GRM7: variants seen among roughly 807,000 people sequenced by gnomAD.
The protein encoded by GRM7 is glutamate metabotropic receptor 7, also known as metabotropic glutamate receptor 7.
In GRM7, 35 loss-of-function variants were observed where a neutral mutation model predicts 84.5. That is an observed-to-expected ratio of 0.41 (90% CI 0.32 to 0.55). The LOEUF is 0.55. GRM7 is among the 20% of genes least tolerant of loss of function. GRM7 has a pLI of 0.19. For synonymous variants in GRM7, 487 were observed against 455.1 expected, an observed-to-expected ratio of 1.07 and a Z score of -0.89; for missense variants, 1,003 against 1,194.6, an observed-to-expected ratio of 0.84 and a Z score of 2.36.
At position 7,452,789 on chromosome 3, in the gene GRM7, C is replaced by A; in HGVS notation, c.1357C>A (p.Arg453Ser). 6.2e-7 allele frequency: 1 copy of A among 1,609,730 alleles called. No individual in the cohort carries two copies. The highest frequency in any genetic ancestry group is 8.5e-7 in the Non-Finnish European group (1 of 1,176,486). ...AGGCAAGAAGTTGCTGAAGTATATA[C>A]GCAATGTTAATTTCAATGGTGAGTC... ...AGGKKLLKYI[R>S]NVNFNGSAGT... Residue 453 changes from arginine (R) to serine (S), a missense_variant, in exon 6 of 10, where the codon CGC becomes AGC. This residue lies in a region of GRM7 where 910 missense variants were observed against 1,126.0 expected (regional missense o/e 0.81). Coordinates refer to ENST00000357716, the MANE Select transcript of GRM7 (RefSeq NM_000844.4).
intron 1 of GRM7, among the ~76,000 whole-genome samples, chr3:6,972,081 T>C (rs926982335): frequency 2.0e-5 from 3 of 152,326 alleles, no homozygotes; most frequent in African/African-American, 7.2e-5. Context: ...GCAGTTGAGA[T>C]AGCTGAATGT....
rs541135363 is a variant in GRM7, at chr3:7,240,622, A to C, written c.737-58062A>C. On this transcript the variant is annotated intron_variant, in intron 2 of 9. Coordinates refer to ENST00000357716, the MANE Select transcript of GRM7 (RefSeq NM_000844.4). ...CATCTCCCATTTTTAATACAGATATAGGATTTAAAAGTCTGTTTCTTTTTT... is the reference window on the plus strand; with the variant it reads ...CATCTCCCATTTTTAATACAGATATCGGATTTAAAAGTCTGTTTCTTTTTT... Among the ~76,000 whole-genome samples, 28 of 152,286 alleles carry C rather than the reference A, an allele frequency of 1.8e-4. No homozygotes were observed. The South Asian group carries it at 5.4e-3, about 29-fold the overall frequency.
intron 4 of GRM7, among the ~76,000 whole-genome samples, chr3:7,362,982 C>T (rs1693732848): frequency 1.3e-5 from 2 of 151,942 alleles, no homozygotes; most frequent in South Asian, 4.1e-4. Context: ...GTTACCCAGG[C>T]ATGGTGGTAC....
At chr3:7,514,089 T>C (rs939869438) in intron 7 of GRM7, among the ~76,000 whole-genome samples, 4 of 152,254 alleles carry the variant, frequency 2.6e-5, no homozygotes, top group South Asian at 2.1e-4. Flanking sequence ...GTGGTGAGTA[T>C]TGAGTCAATG....
rs117625207 is a variant in GRM7, at chr3:7,336,921, C to T, written c.1033+30269C>T. On this transcript the variant is annotated intron_variant, in intron 4 of 9. Transcript: ENST00000357716. ...CAACACAAACAAATGAAAACACATT[C>T]CATGGTCATGAATGGGTAGAATCAA... Among the ~76,000 whole-genome samples, 159 of 152,156 alleles carry T rather than the reference C, an allele frequency of 1.0e-3. 2 individuals carry two copies. In the East Asian group the frequency reaches 0.024, roughly 23 times the overall value.
intron 3 of GRM7, among the ~76,000 whole-genome samples, chr3:7,300,700 A>G (rs774699024): frequency 1.3e-5 from 2 of 151,904 alleles, no homozygotes; most frequent in African/African-American, 2.4e-5. Flanking sequence ...CATCACCTCA[A>G]TGCTATCTCT....
chr3:7,080,667 C>T lies in GRM7; in HGVS notation c.520-65785C>T, dbSNP rs927606204. ...ATGTGTGTATGCATATATATAAACA[C>T]GCACATGTGTGTATATTTGTATATA... On this transcript the variant is annotated intron_variant, in intron 1 of 9. Coordinates refer to ENST00000357716, the MANE Select transcript of GRM7 (RefSeq NM_000844.4). 5.4e-5 allele frequency among the ~76,000 whole-genome samples: 8 copies of T among 147,246 alleles called. No individual in the cohort carries two copies. The East Asian group carries it at 5.9e-4, about 11-fold the overall frequency.
intron 1 of GRM7, among the ~76,000 whole-genome samples, chr3:6,921,376 G>A (rs971050761): frequency 3.3e-5 from 5 of 152,196 alleles, no homozygotes; most frequent in African/African-American, 1.2e-4. Flanking sequence ...CTAATGCCGG[G>A]CTGGTTTCAA....
chr3:7,123,709 G>A (rs1693301642), intron 1 of GRM7, among the ~76,000 whole-genome samples: 1 of 152,104 alleles, frequency 6.6e-6, no homozygotes, highest in Non-Finnish European at 1.5e-5. Flanking sequence ...TACTCCAATG[G>A]GGGCTTCTCA....
At chr3:7,705,257 C>T (rs550614350) in intron 9 of GRM7, among the ~76,000 whole-genome samples, 19 of 152,280 alleles carry the variant, frequency 1.2e-4, no homozygotes, top group African/African-American at 4.6e-4. Flanking sequence ...TTCTTAGATA[C>T]AAATGATTAT....
chr3:7,516,832 G>A (rs917388239), intron 7 of GRM7, among the ~76,000 whole-genome samples: 1 of 152,160 alleles, frequency 6.6e-6, no homozygotes, highest in African/African-American at 2.4e-5. Context: ...TTTCATTTAA[G>A]TTTAATCAGG....
chr3:7,219,140 G>A (rs950276007), intron 2 of GRM7, among the ~76,000 whole-genome samples: 17 of 152,142 alleles, frequency 1.1e-4, no homozygotes, highest in African/African-American at 4.1e-4. Flanking sequence ...CATACAGTGT[G>A]AGGAGATGCT....
chr3:7,126,784 C>T (rs1381192169), intron 1 of GRM7, among the ~76,000 whole-genome samples: 1 of 152,162 alleles, frequency 6.6e-6, no homozygotes, highest in Non-Finnish European at 1.5e-5. Flanking sequence ...ACCTCTTTCA[C>T]TTTGTTAATC....
intron 5 of GRM7, among the ~76,000 whole-genome samples, chr3:7,415,395 T>G (rs1696120197): frequency 6.6e-6 from 1 of 152,180 alleles, no homozygotes; most frequent in African/African-American, 2.4e-5. Flanking sequence ...TCAGTGATTC[T>G]TTGAATTCAG....
chr3:7,627,401 TA>T (rs796769032), intron 8 of GRM7, among the ~76,000 whole-genome samples: 2 of 152,242 alleles, frequency 1.3e-5, no homozygotes, highest in African/African-American at 4.8e-5. Flanking sequence ...ATTAGCTTAT[TA>T]AAGTTAGAAA....
At chr3:7,312,034 C>A (rs897444159) in intron 4 of GRM7, among the ~76,000 whole-genome samples, 4 of 152,134 alleles carry the variant, frequency 2.6e-5, no homozygotes, top group African/African-American at 9.7e-5. Flanking sequence ...AAAGTCATAG[C>A]AAATTTTCCT....
At chr3:7,632,708 TA>T (rs1156236137) in intron 8 of GRM7, among the ~76,000 whole-genome samples, 1 of 152,186 alleles carries the variant, frequency 6.6e-6, no homozygotes, top group Non-Finnish European at 1.5e-5. Context: ...TTTTCATCCA[TA>T]ACAATAGCAT....
At chr3:7,175,401 A>G (rs774163626) in intron 2 of GRM7, among the ~76,000 whole-genome samples, 8 of 152,230 alleles carry the variant, frequency 5.3e-5, no homozygotes, top group Non-Finnish European at 1.2e-4. Context: ...TCATGTCTCC[A>G]TGAAACAAAG....
At chr3:6,987,221 A>C (rs13322942) in intron 1 of GRM7, among the ~76,000 whole-genome samples, 3,263 of 152,264 alleles carry the variant, frequency 0.021, 95 homozygotes, top group African/African-American at 0.074. Flanking sequence ...ACAGGCATGC[A>C]CTGCTTGGCA....
Sources: allele counts gnomAD v4.1 joint callset (sites outside exome capture counted in the v4.1 genomes callset), GRCh38; gene constraint gnomAD v4.1.1; regional missense constraint gnomAD v4.1.1; transcripts MANE v1.5; gene names NCBI Gene and HGNC (gene_info 2026-07-23, HGNC 2026-07-21).